The following GLRA1 variants were observed in gnomAD, a reference collection of about 807,000 sequenced individuals.
GLRA1 encodes glycine receptor subunit alpha-1.
In GLRA1, 37 loss-of-function variants were observed where a neutral mutation model predicts 48.3. The observed-to-expected ratio is 0.77, with a 90% CI of 0.59 to 1.01. The LOEUF is 1.01. GLRA1 is among the 50% of genes least tolerant of loss of function. The pLI is 0.00. For missense variants in GLRA1, 427 were observed against 571.0 expected (o/e 0.75, Z 2.57); for synonymous variants, 196 against 210.7 (o/e 0.93, Z 0.60).
At chr5:151,864,880 G>A (rs11167559) in intron 3 of GLRA1, among the ~76,000 whole-genome samples, 60,534 of 151,812 alleles carry the variant, frequency 0.4, 12,220 homozygotes, top group South Asian at 0.45. Context: ...GGAAGAGGAG[G>A]TAAAGTCAGA....
chr5:151,849,098 CTTTTCTT>C, intron 7 of GLRA1: 1 of 221,244 alleles, frequency 4.5e-6, no homozygotes, highest in East Asian at 7.1e-5. Flanking sequence ...CTTTTTATTT[CTTTTCTT>C]TTCTTTCTTT....
At chr5:151,882,506 G>A (rs935750783) in intron 3 of GLRA1, among the ~76,000 whole-genome samples, 12 of 152,206 alleles carry the variant, frequency 7.9e-5, no homozygotes, top group Admixed American at 6.5e-5. Flanking sequence ...AAGAAAAGAG[G>A]CTTGAATGGG....
At chr5:151,884,132 A>T (rs1481494783) in intron 3 of GLRA1, among the ~76,000 whole-genome samples, 1 of 152,158 alleles carries the variant, frequency 6.6e-6, no homozygotes, top group African/African-American at 2.4e-5. Context: ...ATGGACAATG[A>T]TAAACATTTT....
At chr5:151,864,910 A>G (rs1753292301) in intron 3 of GLRA1, among the ~76,000 whole-genome samples, 1 of 152,130 alleles carries the variant, frequency 6.6e-6, no homozygotes, top group South Asian at 2.1e-4. Flanking sequence ...AACAGAATGG[A>G]CTTTTCTTAT....
intron 1 of GLRA1, among the ~76,000 whole-genome samples, chr5:151,921,412 G>T (rs1754870082): frequency 6.6e-6 from 1 of 152,192 alleles, no homozygotes; most frequent in Non-Finnish European, 1.5e-5. Flanking sequence ...GCAAGGTCTG[G>T]AGACATTTTT....
chr5:151,884,978 GA>G (rs1175707940), intron 3 of GLRA1, among the ~76,000 whole-genome samples: 4 of 152,340 alleles, frequency 2.6e-5, no homozygotes, highest in Non-Finnish European at 4.4e-5. Flanking sequence ...GATATCCAGT[GA>G]AAAGCACCCA....
At chr5:151,866,278 T>C (rs1357743388) in intron 3 of GLRA1, among the ~76,000 whole-genome samples, 2 of 152,218 alleles carry the variant, frequency 1.3e-5, no homozygotes, top group East Asian at 3.8e-4. Context: ...GGTAGAGCAT[T>C]AACTCATTCA....
intron 3 of GLRA1, 134 bp from the exon 4 acceptor site, chr5:151,860,142 G>A: frequency 1.4e-6 from 1 of 713,172 alleles, no homozygotes; most frequent in South Asian, 1.5e-5. Context: ...TTATATGGGG[G>A]TGAGACATAA....
intron 3 of GLRA1, among the ~76,000 whole-genome samples, chr5:151,886,371 T>A (rs912454805): frequency 1.3e-5 from 2 of 152,252 alleles, no homozygotes; most frequent in African/African-American, 4.8e-5. Context: ...TCAGCTTGTA[T>A]AACCAGCAGT....
Position 151,894,323 on chromosome 5 carries a change from A to G in GLRA1, c.57-1885T>C, listed in dbSNP as rs116024811. On this transcript the variant is annotated intron_variant, in intron 1 of 8. Transcript: ENST00000274576. ...ATAATGGATGACTCTCAAATCTGTCACCACCCTGGCCTCTTCCTTAAAACC... is the reference window on the plus strand; with the variant it reads ...ATAATGGATGACTCTCAAATCTGTCGCCACCCTGGCCTCTTCCTTAAAACC... Among the ~76,000 whole-genome samples, 866 of 152,202 alleles carry G rather than the reference A, an allele frequency of 5.7e-3. 10 individuals carry two copies. The highest frequency in any genetic ancestry group is 0.02 in the African/African-American group (837 of 41,524).
intron 2 of GLRA1, among the ~76,000 whole-genome samples, chr5:151,889,475 G>A (rs1418244964): frequency 2.0e-5 from 3 of 152,304 alleles, no homozygotes; most frequent in African/African-American, 7.2e-5. Flanking sequence ...GGTAAGTAGA[G>A]GGAGGACTGG....
rs1467081269 is a variant in GLRA1, at chr5:151,890,075, GC to G, written c.184+2235del. Among the ~76,000 whole-genome samples, 4 of 152,234 alleles carry G rather than the reference GC, an allele frequency of 2.6e-5. No homozygotes were observed. In the East Asian group the frequency reaches 7.7e-4, roughly 29 times the overall value. On this transcript the variant is annotated intron_variant, in intron 2 of 8. Transcript: ENST00000274576. ...GGATAAAATTTTATTTCTTAAAAAT[GC>G]CCACTGCTGAGTAAGTAAATAAATA...
intron 3 of GLRA1, among the ~76,000 whole-genome samples, chr5:151,864,657 C>G (rs1210750179): frequency 1.3e-5 from 2 of 152,166 alleles, no homozygotes; most frequent in African/African-American, 4.8e-5. Context: ...AGACTTGATG[C>G]CCCAGGCTTC....
chr5:151,893,812 A>G (rs1248542538), intron 1 of GLRA1, among the ~76,000 whole-genome samples: 1 of 152,220 alleles, frequency 6.6e-6, no homozygotes, highest in Non-Finnish European at 1.5e-5. Context: ...CAGTGCTGCA[A>G]TAAACATACA....
chr5:151,911,936 T>G (rs761967234), intron 1 of GLRA1, among the ~76,000 whole-genome samples: 1 of 152,148 alleles, frequency 6.6e-6, no homozygotes, highest in Non-Finnish European at 1.5e-5. Flanking sequence ...CTGCTGGGCC[T>G]TCAATATGCC....
intron 3 of GLRA1, among the ~76,000 whole-genome samples, chr5:151,886,167 A>G (rs1753900313): frequency 1.3e-5 from 2 of 152,244 alleles, no homozygotes; most frequent in African/African-American, 4.8e-5. Context: ...TGAAAAATAT[A>G]TAAATACTGT....
At chr5:151,860,292 A>G (rs1465053986) in intron 3 of GLRA1, among the ~76,000 whole-genome samples, 1 of 152,224 alleles carries the variant, frequency 6.6e-6, no homozygotes, top group Non-Finnish European at 1.5e-5. Flanking sequence ...CTAAAGAAAA[A>G]TTCAAAGATG....
chr5:151,846,775 C>CT (rs1268813039), intron 7 of GLRA1, among the ~76,000 whole-genome samples: 1 of 152,078 alleles, frequency 6.6e-6, no homozygotes, highest in East Asian at 1.9e-4. Context: ...TTTCTGATGA[C>CT]TTTTTTGACA....
Position 151,829,062 on chromosome 5 carries a change from G to A in GLRA1, c.918C>T (p.Ser306=). The change falls in exon 8 of 9, where the codon TCC becomes TCT. Residue 306 remains serine, a synonymous_variant. Coordinates refer to ENST00000274576, the MANE Select transcript of GLRA1 (RefSeq NM_000171.4). ...SGSRASLPKV[S]YVKAIDIWMA... ...TCCAAATGTCAATGGCTTTCACATA[G>A]GACACCTAGAGTGGGGGTGGAGGAG... 1 of 1,613,842 alleles carries A rather than the reference G, an allele frequency of 6.2e-7. No individual in the cohort carries two copies. The highest frequency in any genetic ancestry group is 8.5e-7 in the Non-Finnish European group (1 of 1,179,884).
Sources: allele counts gnomAD v4.1 joint callset (sites outside exome capture counted in the v4.1 genomes callset), GRCh38; gene constraint gnomAD v4.1.1; transcripts MANE v1.5; gene names NCBI Gene and HGNC (gene_info 2026-07-23, HGNC 2026-07-21).